TIE1: variants seen among roughly 807,000 people sequenced by gnomAD.
TIE1 encodes tyrosine kinase with immunoglobulin like and EGF like domains 1, also known as tyrosine-protein kinase receptor Tie-1.
A neutral mutation model predicts 130.5 loss-of-function variants in TIE1; 89 were observed. The ratio of observed to expected loss-of-function variants is 0.68; its 90% CI spans 0.57 to 0.81. TIE1 has a LOEUF of 0.81. TIE1 is among the 40% of genes least tolerant of loss of function. The probability of loss-of-function intolerance (pLI) is 0.00; values close to 1 mark genes in which losing one functional copy is unlikely to be tolerated. For synonymous variants in TIE1, 568 were observed against 629.4 expected (o/e 0.90, Z 1.46); for missense variants, 1,392 against 1,559.8 (o/e 0.89, Z 1.81).
chr1:43,311,993 G>A lies in TIE1; in HGVS notation c.1493-1G>A, dbSNP rs1198451276. The A allele has an allele frequency of 6.3e-7, 1 of 1,584,134 alleles. No individual in the cohort carries two copies. The highest frequency in any genetic ancestry group is 1.7e-5 in the Admixed American group (1 of 57,562). On this transcript the variant is annotated splice_acceptor_variant, in intron 10 of 22. Transcript: ENST00000372476. LOFTEE classifies it high-confidence loss of function. Reference sequence around the variant, plus strand: ...ATGTGTGCTTTACACCCCACGCCCAGTGGACCCCAGTGAGAACGTGACGTT... The same window carrying A: ...ATGTGTGCTTTACACCCCACGCCCAATGGACCCCAGTGAGAACGTGACGTT...
intron 1 of TIE1, 43 bp from the exon 2 acceptor site, chr1:43,304,808 G>A (rs1326810548): frequency 7.2e-7 from 1 of 1,390,582 alleles, no homozygotes; most frequent in African/African-American, 1.5e-5. Context: ...GGGCACTAGG[G>A]TTGGCTGGGA....
In TIE1 at chr1:43,301,104, C is replaced by T. The variant is rs766866570; in HGVS notation, c.33C>T (p.Pro11=). ...GGCGGGTGCCCCCTTTCTTGCTCCC[C>T]ATCCTCTTCTTGGCTTCTCATGTGG... MVWRVPPFLL[P]ILFLASHVGA... Residue 11 remains proline (P), a synonymous_variant, in exon 1 of 23, where the codon CCC becomes CCT. Transcript: ENST00000372476. The T allele has an allele frequency of 2.5e-6, 4 of 1,613,958 alleles. No individual in the cohort carries two copies. The highest frequency in any genetic ancestry group is 3.3e-5 in the Admixed American group (2 of 59,994).
Position 43,313,096 on chromosome 1 carries a change from G to A in TIE1, c.1928-39G>A. 1 of 1,572,534 alleles carries A rather than the reference G, an allele frequency of 6.4e-7. No individual in the cohort carries two copies. Among genetic ancestry groups the A allele is most frequent in the Non-Finnish European group, 8.6e-7 (1 of 1,159,406 alleles). ...TCCAGCCCCACAGCTACATAGCCCG[G>A]TCCTATCTGAGCCTTGCCTTCCCCC... On this transcript the variant is annotated intron_variant, in intron 12 of 22. Coordinates refer to ENST00000372476, the MANE Select transcript of TIE1 (RefSeq NM_005424.5). The surrounding 1 kb of genome is among the most constrained non-coding windows in gnomAD (Gnocchi z 6.2).
chr1:43,307,340 AT>A lies in TIE1; in HGVS notation c.772+68del. On this transcript the variant is annotated intron_variant, in intron 5 of 22. Transcript: ENST00000372476. The surrounding 1 kb of genome is among the most constrained non-coding windows in gnomAD (Gnocchi z 5.4). ...CTGACTGGGAGAAGACCCTAGAACC[AT>A]GTGGGTGGAGCTTGGAGGGTAAGGG... is the stretch of plus-strand genomic sequence containing the variant. 1 of 1,611,818 alleles carries A rather than the reference AT, an allele frequency of 6.2e-7. No homozygotes were observed. Among genetic ancestry groups the A allele is most frequent in the Non-Finnish European group, 8.5e-7 (1 of 1,178,470 alleles).
chr1:43,309,052 T>A lies in TIE1; in HGVS notation c.1109T>A (p.Ile370Asn), dbSNP rs756120308. 43 of 1,613,746 alleles carry A rather than the reference T, an allele frequency of 2.7e-5. No homozygotes were observed. Among genetic ancestry groups the A allele is most frequent in the Non-Finnish European group, 3.6e-5 (43 of 1,179,932 alleles). Residue 370 changes from isoleucine to asparagine, a missense_variant, in exon 8 of 23, where the codon ATC becomes AAC. Physicochemically the swap from Ile to Asn is moderately radical, Grantham distance 149 (BLOSUM62 -3). Transcript: ENST00000372476. This position sits in a 1 kb window ranked among gnomAD's most constrained non-coding sequence, Gnocchi z 6.3. The stretch of plus-strand genomic sequence containing the variant: ...TTCAACTTAGAGACGATGCCCCGGA[T>A]CAACTGTGCAGCTGCAGGGAACCCC... ...LEFNLETMPRINCAAAGNPFP... is the reference protein window; with the variant it reads ...LEFNLETMPRNNCAAAGNPFP...
At chr1:43,320,721 G>A (rs1646907623) in intron 19 of TIE1, 1 of 152,328 alleles carries the variant, frequency 6.6e-6, no homozygotes. Flanking sequence ...CGGGCATGGT[G>A]GCGGGCACCT....
chr1:43,309,003 C>T lies in TIE1; in HGVS notation c.1060C>T (p.Leu354Phe), dbSNP rs745460886. 9 of 1,613,976 alleles carry T rather than the reference C, an allele frequency of 5.6e-6. No individual in the cohort carries two copies. In the Admixed American group the frequency reaches 1.3e-4, roughly 24 times the overall value. Residue 354 changes from leucine (L) to phenylalanine (F), a missense_variant, in exon 8 of 23, where the codon CTC becomes TTC. Transcript: ENST00000372476. This position sits in a 1 kb window ranked among gnomAD's most constrained non-coding sequence, Gnocchi z 6.3. ...CEKSDRIPQILNMASELEFNL... is the reference protein window; with the variant it reads ...CEKSDRIPQIFNMASELEFNL... ...CTCCCCAGACCGGATCCCCCAGATC[C>T]TCAACATGGCCTCAGAACTGGAGTT... is the stretch of plus-strand genomic sequence containing the variant.
rs780403179 is a variant in TIE1, at chr1:43,317,816, G to A, written c.2732-66G>A. ...TCCTTCATCCCTGTCTGTTACCATC[G>A]GGTGCCTGCTCCCACCCTAGGTTGC... On this transcript the variant is annotated intron_variant, in intron 16 of 22. Transcript: ENST00000372476. The surrounding 1 kb of genome is among the most constrained non-coding windows in gnomAD (Gnocchi z 5.1). 39 of 1,564,994 alleles carry A rather than the reference G, an allele frequency of 2.5e-5. No individual in the cohort carries two copies. The highest frequency in any genetic ancestry group is 4.5e-5 in the East Asian group (2 of 44,580).
intron 1 of TIE1, among the ~76,000 whole-genome samples, chr1:43,303,138 A>G (rs568327059): frequency 1.8e-3 from 267 of 152,278 alleles, no homozygotes; most frequent in African/African-American, 6.1e-3. Context: ...CAGCCAATAA[A>G]CATTCATTAT....
rs1215406260 is a variant in TIE1, at chr1:43,316,346, C to T, written c.2410-853C>T. On this transcript the variant is annotated intron_variant, in intron 14 of 22. Transcript: ENST00000372476. This position sits in a 1 kb window ranked among gnomAD's most constrained non-coding sequence, Gnocchi z 4.4. ...CCAGTGCTTCTTGCAAATCCCTGGG[C>T]CCCAGGTCCTCAGCCCTTGCCCATC... Among the ~76,000 whole-genome samples the T allele has an allele frequency of 6.6e-6, 1 of 152,200 alleles. No individual in the cohort carries two copies. The highest frequency in any genetic ancestry group is 2.4e-5 in the African/African-American group (1 of 41,452).
intron 19 of TIE1, among the ~76,000 whole-genome samples, 153 bp from the exon 20 acceptor site, chr1:43,321,116 T>A (rs995105819): frequency 6.6e-6 from 1 of 151,430 alleles, no homozygotes; most frequent in Non-Finnish European, 1.5e-5. Context: ...AGGAGCTTCA[T>A]TGGCGCAGAG....
chr1:43,312,003 G>A lies in TIE1; in HGVS notation c.1502G>A (p.Ser501Asn), dbSNP rs55657706. 8.2e-4 allele frequency: 1,304 copies of A among 1,591,822 alleles called. 1 individual carries two copies. The highest frequency in any genetic ancestry group is 1.2e-3 in the Middle Eastern group (7 of 5,978). ...TACACCCCACGCCCAGTGGACCCCA[G>A]TGAGAACGTGACGTTAATGAACCTG... ...MDWSTIVVDPSENVTLMNLRP... is the reference protein window; with the variant it reads ...MDWSTIVVDPNENVTLMNLRP... The change falls in exon 11 of 23, where the codon AGT becomes AAT. Residue 501 changes from serine (S) to asparagine (N), a missense_variant. Physicochemically the swap from Ser to Asn is conservative, Grantham distance 46. Transcript: ENST00000372476. The surrounding 1 kb of genome is among the most constrained non-coding windows in gnomAD (Gnocchi z 5.6).
intron 1 of TIE1, among the ~76,000 whole-genome samples, chr1:43,301,393 G>GGGA (rs938848890): frequency 3.3e-5 from 5 of 151,994 alleles, no homozygotes; most frequent in African/African-American, 1.2e-4. Context: ...TGGCTGAGAT[G>GGGA]GGAGGATCAA....
chr1:43,308,931 G>T (rs1191528298), intron 7 of TIE1, 55 bp from the exon 8 acceptor site: 4 of 1,613,022 alleles, frequency 2.5e-6, no homozygotes, highest in Non-Finnish European at 3.4e-6. Context: ...GGGCGCTTTG[G>T]TGGTCACGTG....
At chr1:43,310,867 C>T (rs370292362) in intron 9 of TIE1, among the ~76,000 whole-genome samples, 3 of 152,322 alleles carry the variant, frequency 2.0e-5, no homozygotes, top group East Asian at 1.9e-4. Context: ...GCTTACAGCG[C>T]GGCATCCTTT....
In TIE1 at chr1:43,305,146, C is replaced by T. The variant is rs755289982; in HGVS notation, c.354C>T (p.Tyr118=). ...GGGCGCGGCGCACGCGCGTCATCTA[C>T]GTGCACAACAGCCCTGGAGGTGAGT... The part of the protein sequence containing the change: ...GAGARRTRVI[Y]VHNSPGAHLL... Residue 118 remains tyrosine (Y), a synonymous_variant, in exon 2 of 23, where the codon TAC becomes TAT. Transcript: ENST00000372476. 4 of 1,613,900 alleles carry T rather than the reference C, an allele frequency of 2.5e-6. No homozygotes were observed. The highest frequency in any genetic ancestry group is 1.7e-5 in the Admixed American group (1 of 59,980).
chr1:43,311,616 C>T (rs906594490), intron 9 of TIE1, 55 bp from the exon 10 acceptor site: 4 of 1,550,358 alleles, frequency 2.6e-6, no homozygotes, highest in African/African-American at 2.7e-5. Context: ...AACAAAGATG[C>T]AGAAGTGGAC....
In TIE1 at chr1:43,313,916, T is replaced by A. The variant is rs772012771; in HGVS notation, c.2357T>A (p.Ile786Asn). ...ILAALLTLVC[I>N]RRSCLHRRRT... ...GCTGCCCTTTTAACCCTGGTGTGCATCCGCAGAAGCTGCCTGCATCGGAGA... is the reference window on the plus strand; with the variant it reads ...GCTGCCCTTTTAACCCTGGTGTGCAACCGCAGAAGCTGCCTGCATCGGAGA... Residue 786 changes from isoleucine to asparagine, a missense_variant, in exon 14 of 23, where the codon ATC (isoleucine) becomes AAC (asparagine). Ile to Asn is a moderately radical substitution (Grantham distance 149). Around this residue, in one of 6 missense-constraint regions of TIE1, gnomAD observed 286 missense variants for 354.4 expected, o/e 0.81. Coordinates refer to ENST00000372476, the MANE Select transcript of TIE1 (RefSeq NM_005424.5). The surrounding 1 kb of genome is among the most constrained non-coding windows in gnomAD (Gnocchi z 6.2). 1.2e-6 allele frequency: 2 copies of A among 1,614,090 alleles called. No individual in the cohort carries two copies. Among genetic ancestry groups the A allele is most frequent in the South Asian group, 2.2e-5 (2 of 91,078 alleles).
chr1:43,308,845 T>A (rs1326850553), intron 7 of TIE1, 141 bp from the exon 8 acceptor site: 1 of 1,102,084 alleles, frequency 9.1e-7, no homozygotes. Context: ...GCTGGAGGAG[T>A]CATGCGGGCC....
Sources: gnomAD v4.1 joint callset for allele counts (sites outside exome capture counted in the v4.1 genomes callset) on GRCh38, gnomAD v4.1.1 for gene constraint, gnomAD v4.1.1 regional missense constraint, Gnocchi (gnomAD v3.1) non-coding constraint, MANE v1.5 for transcripts, NCBI Gene and HGNC (gene_info 2026-07-23, HGNC 2026-07-21) for gene names.